The following LRP11 variants were observed in gnomAD, a reference collection of about 807,000 sequenced individuals.
The protein encoded by LRP11 is LDL receptor related protein 11.
A neutral mutation model predicts 43.1 loss-of-function variants in LRP11; 25 were observed. That is an observed-to-expected ratio of 0.58 (90% CI 0.42 to 0.81). The LOEUF (loss-of-function observed/expected upper bound fraction) is 0.81, where lower values mean the gene tolerates loss of function less well. Ranked by LOEUF, LRP11 falls within the 30% of genes least tolerant of loss-of-function variation. The pLI is 0.00. For missense variants in LRP11, 623 were observed against 665.1 expected (o/e 0.94, Z 0.70); for synonymous variants, 316 against 299.4 (o/e 1.06, Z -0.57).
At chr6:149,846,650 C>T (rs959231578) in intron 2 of LRP11, among the ~76,000 whole-genome samples, 1 of 152,086 alleles carries the variant, frequency 6.6e-6, no homozygotes. Context: ...TTAAAAAACA[C>T]CAAGGGGCCG....
At chr6:149,833,995 T>G (rs1324561991) in intron 5 of LRP11, among the ~76,000 whole-genome samples, 1 of 152,148 alleles carries the variant, frequency 6.6e-6, no homozygotes, top group African/African-American at 2.4e-5. Context: ...CAGCATCCAT[T>G]AGCTGTTCTG....
At chr6:149,826,863 G>A (rs1776347136) in intron 5 of LRP11, among the ~76,000 whole-genome samples, 2 of 152,134 alleles carry the variant, frequency 1.3e-5, no homozygotes, top group Admixed American at 6.5e-5. Flanking sequence ...GTGGGTCACA[G>A]GGCTGGGATG....
In LRP11 at chr6:149,819,589, G is replaced by A. The variant is rs1776252062; in HGVS notation, c.*960C>T. 6.6e-6 allele frequency: 1 copy of A among 152,498 alleles called. No homozygotes were observed. The highest frequency in any genetic ancestry group is 2.4e-5 in the African/African-American group (1 of 41,412). 9.4% of individuals were successfully genotyped at this position (152,498 alleles called of 1,614,324 possible). ...ACATTTTATAGCATTAAAAAACATC[G>A]ACTCATTCCATTGGATGAAAGCCAT... On this transcript the variant is annotated 3_prime_UTR_variant, in exon 7 of 7. Coordinates refer to ENST00000239367, the MANE Select transcript of LRP11 (RefSeq NM_032832.6).
At chr6:149,847,047 G>C (rs1259311554) in intron 2 of LRP11, among the ~76,000 whole-genome samples, 1 of 151,676 alleles carries the variant, frequency 6.6e-6, no homozygotes, top group Non-Finnish European at 1.5e-5. Flanking sequence ...CCAGGGAGCT[G>C]GGTGTACCAT....
intron 1 of LRP11, among the ~76,000 whole-genome samples, chr6:149,860,447 A>T (rs1411013765): frequency 6.7e-6 from 1 of 148,832 alleles, no homozygotes; most frequent in Non-Finnish European, 1.5e-5. Flanking sequence ...TTATCATGAC[A>T]TCCAGTCCCC....
intron 1 of LRP11, among the ~76,000 whole-genome samples, chr6:149,860,175 G>C (rs868721289): frequency 3.9e-5 from 6 of 152,138 alleles, no homozygotes; most frequent in Admixed American, 1.3e-4. Flanking sequence ...GAAAGGCTGG[G>C]GGTGGCAGCA....
At chr6:149,826,668 G>C (rs148227506) in intron 5 of LRP11, among the ~76,000 whole-genome samples, 2 of 152,148 alleles carry the variant, frequency 1.3e-5, no homozygotes, top group Admixed American at 1.3e-4. Context: ...GGGAGTCTCC[G>C]GATATCACGC....
At chr6:149,859,125 TC>T (rs1354633383) in intron 1 of LRP11, among the ~76,000 whole-genome samples, 2 of 151,956 alleles carry the variant, frequency 1.3e-5, no homozygotes, top group East Asian at 3.9e-4. Context: ...GCCACATATT[TC>T]CCAACTGGTT....
intron 3 of LRP11, among the ~76,000 whole-genome samples, chr6:149,840,684 T>C (rs2115388824): frequency 6.6e-6 from 1 of 152,088 alleles, no homozygotes; most frequent in East Asian, 1.9e-4. Flanking sequence ...TTCCCAAGAG[T>C]CCCTTCCTCC....
chr6:149,842,532 T>A, intron 3 of LRP11: 1 of 983,782 alleles, frequency 1.0e-6, no homozygotes, highest in South Asian at 1.4e-5. Context: ...TTTGTACCCT[T>A]TGACCAGCGT....
intron 2 of LRP11, among the ~76,000 whole-genome samples, chr6:149,845,519 C>T (rs1346851165): frequency 2.0e-5 from 3 of 152,182 alleles, no homozygotes; most frequent in Admixed American, 6.5e-5. Flanking sequence ...CTCACTGCCA[C>T]GCTGTTACAT....
chr6:149,848,364 G>A (rs1776670450), intron 2 of LRP11, among the ~76,000 whole-genome samples: 1 of 152,044 alleles, frequency 6.6e-6, no homozygotes, highest in South Asian at 2.1e-4. Flanking sequence ...ATTTGACCCA[G>A]CAATCCCATT....
chr6:149,820,801 T>C lies in LRP11; in HGVS notation c.1349-98A>G, dbSNP rs933447310. On this transcript the variant is annotated intron_variant, in intron 6 of 6. Transcript: ENST00000239367. ...TACGCGCTTTGCATGCACTATTTTA[T>C]TTAATCCAAACAAATTGTTATTAGT... is the stretch of plus-strand genomic sequence containing the variant. 10 of 642,448 alleles carry C rather than the reference T, an allele frequency of 1.6e-5. No homozygotes were observed. The African/African-American group carries it at 1.8e-4, about 12-fold the overall frequency. The allele number at this position is 642,448 out of a possible 1,614,324, so 39.8% of individuals were successfully genotyped here.
chr6:149,837,609 A>C lies in LRP11; in HGVS notation c.914-146T>G, dbSNP rs910742389. ...AGGCAAACCTAACAATTCCAGCAAC[A>C]GGTTCTGGAGAGGTTGGAGGGCTCT... On this transcript the variant is annotated intron_variant, in intron 3 of 6. Coordinates refer to ENST00000239367, the MANE Select transcript of LRP11 (RefSeq NM_032832.6). 6 of 798,450 alleles carry C rather than the reference A, an allele frequency of 7.5e-6. No homozygotes were observed. The African/African-American group carries it at 8.6e-5, about 12-fold the overall frequency. The allele number at this position is 798,450 out of a possible 1,614,324, so 49.5% of individuals were successfully genotyped here.
chr6:149,824,363 A>T (rs1267159640), intron 6 of LRP11, among the ~76,000 whole-genome samples: 1 of 152,232 alleles, frequency 6.6e-6, no homozygotes, highest in Non-Finnish European at 1.5e-5. Flanking sequence ...TGCTTTTATG[A>T]CAAGGAAAAT....
chr6:149,851,495 G>A (rs1262102653), intron 2 of LRP11, among the ~76,000 whole-genome samples: 3 of 152,152 alleles, frequency 2.0e-5, no homozygotes, highest in East Asian at 3.8e-4. Context: ...AATTGGTGAT[G>A]TTCTTTCTTT....
chr6:149,847,582 ACTAT>A (rs772230723), intron 2 of LRP11, among the ~76,000 whole-genome samples: 8 of 152,172 alleles, frequency 5.3e-5, no homozygotes, highest in Non-Finnish European at 8.8e-5. Flanking sequence ...AGGATAAAAA[ACTAT>A]CTATATATGT....
At position 149,864,178 on chromosome 6, in the gene LRP11, C is replaced by A. The variant is rs909812982; in HGVS notation, c.-158G>T. 2.6e-4 allele frequency: 298 copies of A among 1,134,728 alleles called. No homozygotes were observed. Among genetic ancestry groups the A allele is most frequent in the Non-Finnish European group, 3.1e-4 (288 of 926,804 alleles). The allele number at this position is 1,134,728 out of a possible 1,614,324, so 70.3% of individuals were successfully genotyped here. A position where few individuals can be genotyped will look rare whatever the true frequency, so the allele number is the denominator to read the frequency against. ...GCGCCCCCGAACCCGGCTGCTCCCC[C>A]GAGGTCGCGGGCGCCGGCGGGAACC... On this transcript the variant is annotated 5_prime_UTR_variant, in exon 1 of 7. Coordinates refer to ENST00000239367, the MANE Select transcript of LRP11 (RefSeq NM_032832.6).
intron 5 of LRP11, among the ~76,000 whole-genome samples, chr6:149,830,426 A>T (rs908011096): frequency 6.6e-6 from 1 of 152,234 alleles, no homozygotes; most frequent in African/African-American, 2.4e-5. Context: ...GCAGTTTTCC[A>T]TTGAACCATA....
Sources: gnomAD v4.1 joint callset for allele counts (sites outside exome capture counted in the v4.1 genomes callset) on GRCh38, gnomAD v4.1.1 for gene constraint, MANE v1.5 for transcripts, NCBI Gene and HGNC (gene_info 2026-07-23, HGNC 2026-07-21) for gene names.